Variants in CACNA1B observed in about 807,000 individuals in gnomAD.
CACNA1B encodes voltage-dependent N-type calcium channel subunit alpha-1B.
A neutral mutation model predicts 247.2 loss-of-function variants in CACNA1B; 70 were observed. That is an observed-to-expected ratio of 0.28 (90% CI 0.23 to 0.35). The LOEUF (loss-of-function observed/expected upper bound fraction) is 0.35, where lower values mean the gene tolerates loss of function less well. Ranked by LOEUF, CACNA1B falls within the 10% of genes least tolerant of loss-of-function variation. The pLI is 1.00. For missense variants in CACNA1B, 2,367 were observed against 3,197.4 expected (o/e 0.74, Z 6.26); for synonymous variants, 1,231 against 1,294.4 (o/e 0.95, Z 1.05).
At chr9:137,884,239 C>T (rs1371913009) in intron 3 of CACNA1B, among the ~76,000 whole-genome samples, 3 of 152,134 alleles carry the variant, frequency 2.0e-5, no homozygotes, top group Non-Finnish European at 4.4e-5. Flanking sequence ...AGGCTCAGCC[C>T]CCAGAGCTGT....
intron 1 of CACNA1B, among the ~76,000 whole-genome samples, chr9:137,878,531 C>T (rs958641465): frequency 6.6e-6 from 1 of 152,134 alleles, no homozygotes; most frequent in Non-Finnish European, 1.5e-5. Context: ...CGTGCAGGTG[C>T]GAGCGCTGTG....
At chr9:137,978,578 A>T (rs1022381292) in intron 12 of CACNA1B, among the ~76,000 whole-genome samples, 10 of 152,178 alleles carry the variant, frequency 6.6e-5, no homozygotes, top group Middle Eastern at 3.2e-3. Flanking sequence ...GAGGGTTTGG[A>T]GCTCGGCAGA....
chr9:137,906,663 C>T (rs1253791135), intron 3 of CACNA1B, among the ~76,000 whole-genome samples: 3 of 151,884 alleles, frequency 2.0e-5, no homozygotes, highest in Non-Finnish European at 2.9e-5. Flanking sequence ...CATACGTGTT[C>T]CCCTGCATGC....
chr9:137,969,947 G>T (rs115012153), intron 10 of CACNA1B, among the ~76,000 whole-genome samples: 2,472 of 152,216 alleles, frequency 0.016, 56 homozygotes, highest in African/African-American at 0.052. Context: ...GCCACTGAGA[G>T]CCTGGGTGTG....
rs1371177746 is a variant in CACNA1B, at chr9:137,886,754, G to A, written c.530+3871G>A. Among the ~76,000 whole-genome samples, 131 of 152,176 alleles carry A rather than the reference G, an allele frequency of 8.6e-4. 1 individual carries two copies. Among genetic ancestry groups the A allele is most frequent in the African/African-American group, 2.9e-3 (119 of 41,552 alleles). On this transcript the variant is annotated intron_variant, in intron 3 of 46. Transcript: ENST00000371372. ...GATGGTGATGAGTTGCGGCATGGGC[G>A]TGCCCCAGAGAGCAGTCGGCAGGTG... is the stretch of plus-strand genomic sequence containing the variant.
Position 137,979,020 on chromosome 9 carries a change from C to T in CACNA1B, c.1656+3001C>T, listed in dbSNP as rs142933402. Among the ~76,000 whole-genome samples the T allele has an allele frequency of 9.3e-4, 142 of 152,304 alleles. 2 individuals carry two copies. The highest frequency in any genetic ancestry group is 3.1e-3 in the African/African-American group (130 of 41,552). On this transcript the variant is annotated intron_variant, in intron 12 of 46. Coordinates refer to ENST00000371372, the MANE Select transcript of CACNA1B (RefSeq NM_000718.4). ...GGTCTGAGTGCATCGGCCAAGGGAG[C>T]CGAAGAGATGGAGGCGTCAGAGATG...
At chr9:137,884,980 T>C (rs1228723035) in intron 3 of CACNA1B, among the ~76,000 whole-genome samples, 1 of 100,636 alleles carries the variant, frequency 9.9e-6, no homozygotes, top group Non-Finnish European at 2.2e-5. Context: ...CCTCCCACTT[T>C]GCCTGTCTAG....
In CACNA1B at chr9:137,955,124, T is replaced by A. The variant is rs1049183858; in HGVS notation, c.1071-574T>A. ...TCACTGTGAGCCTCAGAGGCTTGGT[T>A]GAGGAGGCTACGTGGACTCTGCGGT... On this transcript the variant is annotated intron_variant, in intron 7 of 46. Coordinates refer to ENST00000371372, the MANE Select transcript of CACNA1B (RefSeq NM_000718.4). The surrounding 1 kb of genome is among the most constrained non-coding windows in gnomAD (Gnocchi z 6.9). 7.9e-5 allele frequency among the ~76,000 whole-genome samples: 12 copies of A among 152,042 alleles called. No individual in the cohort carries two copies. The highest frequency in any genetic ancestry group is 2.9e-4 in the African/African-American group (12 of 41,382).
Position 137,950,514 on chromosome 9 carries a change from G to A in CACNA1B, c.967-1760G>A, listed in dbSNP as rs1048798197. 6.6e-5 allele frequency among the ~76,000 whole-genome samples: 10 copies of A among 152,320 alleles called. No homozygotes were observed. The highest frequency in any genetic ancestry group is 3.3e-4 in the Admixed American group (5 of 15,308). Reference sequence around the variant, plus strand: ...TTTCTCTGACAGCACCCCATGGAGGGTGAGGGGATTCGGATGCCTCACTGC... The same window carrying A: ...TTTCTCTGACAGCACCCCATGGAGGATGAGGGGATTCGGATGCCTCACTGC... On this transcript the variant is annotated intron_variant, in intron 6 of 46. Coordinates refer to ENST00000371372, the MANE Select transcript of CACNA1B (RefSeq NM_000718.4). The surrounding 1 kb of genome is among the most constrained non-coding windows in gnomAD (Gnocchi z 4.8).
intron 10 of CACNA1B, among the ~76,000 whole-genome samples, chr9:137,960,415 GGGA>G (rs1958004278): frequency 2.0e-4 from 2 of 10,162 alleles, no homozygotes; most frequent in African/African-American, 7.6e-4. Context: ...GGAGGGGGAG[GGGA>G]GGTCAGCCTG....
chr9:138,038,516 G>A (rs1564251772), intron 20 of CACNA1B, among the ~76,000 whole-genome samples: 2 of 152,204 alleles, frequency 1.3e-5, no homozygotes, highest in Admixed American at 6.5e-5. Flanking sequence ...AGGAACCACG[G>A]GAAGTGCATG....
chr9:138,026,968 T>C (rs1276282608), intron 20 of CACNA1B, among the ~76,000 whole-genome samples: 1 of 152,260 alleles, frequency 6.6e-6, no homozygotes, highest in African/African-American at 2.4e-5. Flanking sequence ...GTTATTCTAA[T>C]TAAGCGTGTA....
intron 1 of CACNA1B, 58 bp from the exon 2 acceptor site, chr9:137,878,996 C>T (rs899745185): frequency 1.4e-5 from 16 of 1,106,146 alleles, no homozygotes; most frequent in Non-Finnish European, 1.9e-5. Context: ...GCTCTGCTGG[C>T]GTCGGCCTCG....
intron 31 of CACNA1B, among the ~76,000 whole-genome samples, chr9:138,060,394 T>C (rs1453419602): frequency 6.6e-6 from 1 of 152,078 alleles, no homozygotes; most frequent in African/African-American, 2.4e-5. Flanking sequence ...ATGTTCCCAG[T>C]AGAAACCAGC....
rs1392916027 is a variant in CACNA1B at position 137,971,079 on chromosome 9, T to A, written c.1334-304T>A. The stretch of plus-strand genomic sequence containing the variant: ...AAAAGCTTGGGGTGCTCATGGAGAG[T>A]GGCCTGGGGGCATCAGGGCTGTGCT... On this transcript the variant is annotated intron_variant, in intron 10 of 46. Coordinates refer to ENST00000371372, the MANE Select transcript of CACNA1B (RefSeq NM_000718.4). This position sits in a 1 kb window ranked among gnomAD's most constrained non-coding sequence, Gnocchi z 4.4. Among the ~76,000 whole-genome samples the A allele has an allele frequency of 6.6e-6, 1 of 151,730 alleles. No homozygotes were observed. The highest frequency in any genetic ancestry group is 1.9e-4 in the East Asian group (1 of 5,168).
Position 137,913,378 on chromosome 9 carries a change from C to T in CACNA1B, c.622+107C>T, listed in dbSNP as rs1023996932. ...ATGGTTTGGCTTTGGTGACTCTGAG[C>T]TTGCCACTTTTGACCCCAGGGAACC... is the stretch of plus-strand genomic sequence containing the variant. On this transcript the variant is annotated intron_variant, in intron 4 of 46. Coordinates refer to ENST00000371372, the MANE Select transcript of CACNA1B (RefSeq NM_000718.4). This position sits in a 1 kb window ranked among gnomAD's most constrained non-coding sequence, Gnocchi z 5.2. The T allele has an allele frequency of 1.2e-6, 1 of 855,972 alleles. No homozygotes were observed. Among genetic ancestry groups the T allele is most frequent in the Admixed American group, 2.4e-5 (1 of 41,590 alleles). 53.0% of individuals were successfully genotyped at this position (855,972 alleles called of 1,614,324 possible). A position where few individuals can be genotyped will look rare whatever the true frequency, so the allele number is the denominator to read the frequency against.
chr9:138,117,290 G>C (rs930726455), intron 42 of CACNA1B, among the ~76,000 whole-genome samples: 80 of 152,134 alleles, frequency 5.3e-4, no homozygotes, highest in Admixed American at 1.1e-3. Context: ...GGCTTGGGGG[G>C]GGGGTCAGAG....
chr9:137,996,799 G>T (rs1034234388), intron 15 of CACNA1B, among the ~76,000 whole-genome samples: 5 of 151,824 alleles, frequency 3.3e-5, no homozygotes, highest in African/African-American at 1.2e-4. Context: ...AGGATAGCTC[G>T]CCACTCATTG....
At position 137,957,921 on chromosome 9, in the gene CACNA1B, G is replaced by C. The variant is rs570689908; in HGVS notation, c.1333+234G>C. On this transcript the variant is annotated intron_variant, in intron 10 of 46. Coordinates refer to ENST00000371372, the MANE Select transcript of CACNA1B (RefSeq NM_000718.4). This position sits in a 1 kb window ranked among gnomAD's most constrained non-coding sequence, Gnocchi z 4.7. The stretch of plus-strand genomic sequence containing the variant: ...AGGGCCACCTCTCTCTTCAGCCCCT[G>C]TCTCTTTTTCACTTTCTGGACCTGC... Among the ~76,000 whole-genome samples, 8 of 152,280 alleles carry C rather than the reference G, an allele frequency of 5.3e-5. No homozygotes were observed. The East Asian group carries it at 1.5e-3, about 29-fold the overall frequency.
Sources: allele counts gnomAD v4.1 joint callset (sites outside exome capture counted in the v4.1 genomes callset), GRCh38; gene constraint gnomAD v4.1.1; non-coding constraint Gnocchi (gnomAD v3.1); transcripts MANE v1.5; gene names NCBI Gene and HGNC (gene_info 2026-07-23, HGNC 2026-07-21).